Variants in CRISPLD2 observed in about 807,000 individuals in gnomAD.
CRISPLD2 encodes cysteine rich secretory protein LCCL domain containing 2.
Under a neutral mutation model 71.1 loss-of-function variants are expected in CRISPLD2, and 47 were observed. The ratio of observed to expected loss-of-function variants is 0.66; its 90% CI spans 0.52 to 0.84. The LOEUF (loss-of-function observed/expected upper bound fraction) is 0.84, where lower values mean the gene tolerates loss of function less well. Among genes scored for constraint, CRISPLD2 ranks in the 40% least tolerant of loss-of-function variants. The pLI is 0.00. For missense variants in CRISPLD2, 830 were observed against 651.1 expected (o/e 1.27, Z -2.99); for synonymous variants, 317 against 250.1 (o/e 1.27, Z -2.52).
intron 4 of CRISPLD2, 36 bp downstream of exon 4, chr16:84,849,553 C>T (rs773475049): frequency 6.2e-7 from 1 of 1,603,764 alleles, no homozygotes; most frequent in Admixed American, 1.7e-5. Context: ...CAGCCCTGCC[C>T]CCCAATCCCA....
chr16:84,831,155 C>G (rs143695836), intron 1 of CRISPLD2, among the ~76,000 whole-genome samples: 1 of 152,126 alleles, frequency 6.6e-6, no homozygotes, highest in Non-Finnish European at 1.5e-5. Flanking sequence ...TCAGCTGAGA[C>G]GCAGCCATGG....
intron 14 of CRISPLD2, among the ~76,000 whole-genome samples, chr16:84,891,411 G>T (rs767023877): frequency 6.6e-6 from 1 of 152,258 alleles, no homozygotes; most frequent in South Asian, 2.1e-4. Context: ...ACCCCTGCCC[G>T]GTGACTCTGC....
chr16:84,883,929 C>T (rs1293316498), intron 13 of CRISPLD2, among the ~76,000 whole-genome samples: 2 of 151,572 alleles, frequency 1.3e-5, no homozygotes, highest in African/African-American at 2.4e-5. Context: ...CTGCAACCTC[C>T]GCCTCCTGAG....
chr16:84,849,489 C>G lies in CRISPLD2; in HGVS notation c.464C>G (p.Ser155Trp). The change falls in exon 4 of 15, where the codon TCG becomes TGG. Residue 155 changes from serine (S) to tryptophan (W), a missense_variant. Ser to Trp is a radical substitution (Grantham distance 177). Transcript: ENST00000262424. ...AACCCCTGGTGTCCAGAGAGGTGCTCGGGGCCCATGTGCACGCACTACACA... is the reference window on the plus strand; with the variant it reads ...AACCCCTGGTGTCCAGAGAGGTGCTGGGGGCCCATGTGCACGCACTACACA... ...ECNPWCPERC[S>W]GPMCTHYTQI... is the part of the protein sequence containing the mutation. 5 of 1,614,108 alleles carry G rather than the reference C, an allele frequency of 3.1e-6. No homozygotes were observed. Among genetic ancestry groups the G allele is most frequent in the Non-Finnish European group, 4.2e-6 (5 of 1,179,974 alleles).
At chr16:84,905,361 G>A (rs2071792090) in intron 14 of CRISPLD2, among the ~76,000 whole-genome samples, 1 of 152,110 alleles carries the variant, frequency 6.6e-6, no homozygotes, top group Admixed American at 6.6e-5. Flanking sequence ...TAGAAAGGTT[G>A]AGTTTATACG....
intron 1 of CRISPLD2, among the ~76,000 whole-genome samples, chr16:84,829,603 C>T (rs1916437666): frequency 6.6e-6 from 1 of 152,150 alleles, no homozygotes; most frequent in Non-Finnish European, 1.5e-5. Context: ...TCCTGTGGAC[C>T]ATGGGTCTCA....
chr16:84,878,054 CAAAA>C (rs60773992), intron 12 of CRISPLD2, among the ~76,000 whole-genome samples: 320 of 97,484 alleles, frequency 3.3e-3, no homozygotes, highest in Admixed American at 5.9e-3. Context: ...ACTAAAAATA[CAAAA>C]AAAAAAAAAA....
At chr16:84,847,325 G>A (rs1916941167) in intron 3 of CRISPLD2, among the ~76,000 whole-genome samples, 1 of 152,160 alleles carries the variant, frequency 6.6e-6, no homozygotes, top group Non-Finnish European at 1.5e-5. Context: ...CCACACCATG[G>A]TTTTTTCTTT....
chr16:84,886,739 C>T (rs1355481113), intron 13 of CRISPLD2, among the ~76,000 whole-genome samples: 5 of 152,096 alleles, frequency 3.3e-5, no homozygotes, highest in Non-Finnish European at 7.4e-5. Context: ...GGGAGGAGCC[C>T]GGAAGGTCAA....
chr16:84,893,204 C>G (rs1337453672), intron 14 of CRISPLD2, among the ~76,000 whole-genome samples: 1 of 152,032 alleles, frequency 6.6e-6, no homozygotes, highest in Non-Finnish European at 1.5e-5. Context: ...CTCCCTGGGC[C>G]TTGGCAGCTC....
Position 84,867,038 on chromosome 16 carries a change from T to C in CRISPLD2, c.851T>C (p.Met284Thr). 6.2e-7 allele frequency: 1 copy of C among 1,614,012 alleles called. No homozygotes were observed. Among genetic ancestry groups the C allele is most frequent in the Non-Finnish European group, 8.5e-7 (1 of 1,179,982 alleles). The change falls in exon 7 of 15, where the codon ATG (methionine) becomes ACG (threonine). Residue 284 changes from methionine to threonine, a missense_variant and splice_region_variant. Transcript: ENST00000262424. ...AAGAAAACCTCTGCGGTCAACTACATGAGTGAGTCTAGGCCGTCCTCCGCC... is the reference window on the plus strand; with the variant it reads ...AAGAAAACCTCTGCGGTCAACTACACGAGTGAGTCTAGGCCGTCCTCCGCC... Reference protein sequence around the residue: ...KPKKTSAVNYMTQVVRCDTKM... With the variant: ...KPKKTSAVNYTTQVVRCDTKM...
intron 1 of CRISPLD2, among the ~76,000 whole-genome samples, chr16:84,830,443 C>A (rs1195401644): frequency 2.0e-5 from 3 of 152,144 alleles, no homozygotes; most frequent in African/African-American, 7.2e-5. Flanking sequence ...GTGGCTCACG[C>A]CTGTAATCTT....
rs371030002 is a variant in CRISPLD2 at position 84,880,536 on chromosome 16, C to T, written c.1257C>T (p.Asp419=). 27 of 1,613,626 alleles carry T rather than the reference C, an allele frequency of 1.7e-5. No individual in the cohort carries two copies. The highest frequency in any genetic ancestry group is 2.7e-5 in the African/African-American group (2 of 74,906). The change falls in exon 13 of 15, where the codon GAC becomes GAT. Residue 419 remains aspartate (D), a synonymous_variant. Transcript: ENST00000262424. ...TCCATTGTCCGGCACACTGCAAAGA[C>T]GAACCTTCCTACTGGGCTCCGGTGT... ...PRIHCPAHCK[D]EPSYWAPVFG...
Position 84,868,839 on chromosome 16 carries a change from T to C in CRISPLD2, c.854-12T>C, listed in dbSNP as rs1354542433. ...TCGTGCCGTGACATGTATTCCCGCA[T>C]TTCTCTCCTAGCCCAAGTCGTCAGA... On this transcript the variant is annotated splice_polypyrimidine_tract_variant and intron_variant, in intron 7 of 14. Transcript: ENST00000262424. The C allele has an allele frequency of 6.2e-7, 1 of 1,611,396 alleles. No homozygotes were observed. Among genetic ancestry groups the C allele is most frequent in the Non-Finnish European group, 8.5e-7 (1 of 1,178,520 alleles).
rs1034485108 is a variant in CRISPLD2, at chr16:84,902,769, T to C, written c.1440-3819T>C. 4.0e-5 allele frequency among the ~76,000 whole-genome samples: 5 copies of C among 124,374 alleles called. No homozygotes were observed. In the East Asian group the frequency reaches 1.2e-3, roughly 29 times the overall value. The allele number at this position is 124,374 out of a possible 152,430, so 81.6% of individuals were successfully genotyped here. ...TCCTATTTTTTGGAAAATCGGCCCA[T>C]TGCTTTTTTTTTTTTTTTTTTTGAG... On this transcript the variant is annotated intron_variant, in intron 14 of 14. Coordinates refer to ENST00000262424, the MANE Select transcript of CRISPLD2 (RefSeq NM_031476.4).
intron 14 of CRISPLD2, among the ~76,000 whole-genome samples, chr16:84,897,045 C>T (rs2143372266): frequency 6.6e-6 from 1 of 152,298 alleles, no homozygotes; most frequent in African/African-American, 2.4e-5. Context: ...GGGATGCAGC[C>T]CCACGTGCCT....
At chr16:84,822,388 C>A (rs940760070) in intron 1 of CRISPLD2, among the ~76,000 whole-genome samples, 3 of 152,118 alleles carry the variant, frequency 2.0e-5, no homozygotes, top group African/African-American at 7.2e-5. Context: ...GAGGCAGGAC[C>A]CTCTGACGTC....
In CRISPLD2 at chr16:84,845,788, C is replaced by T. The variant is rs928016882; in HGVS notation, c.243C>T (p.Thr81=). 2 of 1,610,630 alleles carry T rather than the reference C, an allele frequency of 1.2e-6. No individual in the cohort carries two copies. The highest frequency in any genetic ancestry group is 1.7e-6 in the Non-Finnish European group (2 of 1,177,350). Residue 81 remains threonine, a splice_region_variant and synonymous_variant, in exon 3 of 15, where the codon ACC becomes ACT. Coordinates refer to ENST00000262424, the MANE Select transcript of CRISPLD2 (RefSeq NM_031476.4). ...QPQASNMEYM[T]WDDELEKSAA... ...GCCCGTTTCTCCTTCTCCTGCAGAC[C>T]TGGGATGACGAACTGGAGAAGTCTG...
intron 14 of CRISPLD2, among the ~76,000 whole-genome samples, chr16:84,900,757 A>G (rs1428682843): frequency 6.6e-6 from 1 of 152,172 alleles, no homozygotes; most frequent in Non-Finnish European, 1.5e-5. Flanking sequence ...TTGCAAAGGT[A>G]AAAAATTAGA....
Sources: allele counts gnomAD v4.1 joint callset (sites outside exome capture counted in the v4.1 genomes callset), GRCh38; gene constraint gnomAD v4.1.1; transcripts MANE v1.5; gene names NCBI Gene and HGNC (gene_info 2026-07-23, HGNC 2026-07-21).